COL23A1: variants seen among roughly 807,000 people sequenced by gnomAD.
COL23A1 encodes collagen alpha-1(XXIII) chain.
In COL23A1, 97 loss-of-function variants were observed where a neutral mutation model predicts 99.3. The ratio of observed to expected loss-of-function variants is 0.98; its 90% CI spans 0.83 to 1.16. The LOEUF is 1.16. COL23A1 is among the 50% of genes most tolerant of loss of function. The pLI is 0.00. For synonymous variants in COL23A1, 320 were observed against 308.2 expected (o/e 1.04, Z -0.40); for missense variants, 762 against 757.4 (o/e 1.01, Z -0.07).
At chr5:178,353,827 A>C (rs1322774224) in intron 2 of COL23A1, among the ~76,000 whole-genome samples, 1 of 152,022 alleles carries the variant, frequency 6.6e-6, no homozygotes, top group Admixed American at 6.6e-5. Flanking sequence ...GTGTCATTTA[A>C]CGCAGCCATT....
intron 2 of COL23A1, among the ~76,000 whole-genome samples, chr5:178,521,176 C>T (rs1348156669): frequency 1.3e-5 from 2 of 152,180 alleles, no homozygotes; most frequent in Admixed American, 6.5e-5. Flanking sequence ...TATAATCTTA[C>T]GGGACCACCA....
chr5:178,503,299 G>A (rs914922337), intron 2 of COL23A1, among the ~76,000 whole-genome samples: 2 of 152,034 alleles, frequency 1.3e-5, no homozygotes, highest in South Asian at 2.1e-4. Flanking sequence ...AAAGTGAGCC[G>A]AGATTGCACC....
intron 2 of COL23A1, among the ~76,000 whole-genome samples, chr5:178,534,843 C>A (rs980319053): frequency 6.6e-6 from 1 of 152,146 alleles, no homozygotes; most frequent in Non-Finnish European, 1.5e-5. Context: ...ACAGTACAGG[C>A]CCTGCCCCAC....
rs1187722186 is a variant in COL23A1 at position 178,262,202 on chromosome 5, G to A, written c.675+15C>T. On this transcript the variant is annotated intron_variant, in intron 10 of 28. Coordinates refer to ENST00000390654, the MANE Select transcript of COL23A1 (RefSeq NM_173465.4). ...TCCTAGCAGCCCAGGCCTCTGGAAT[G>A]CCCTGGATACTGACCATCTCGCCGT... The A allele has an allele frequency of 5.1e-6, 8 of 1,578,164 alleles. No individual in the cohort carries two copies. In the Admixed American group the frequency reaches 7.4e-5, roughly 15 times the overall value.
intron 5 of COL23A1, among the ~76,000 whole-genome samples, chr5:178,283,721 C>G (rs961598905): frequency 6.6e-6 from 1 of 152,180 alleles, no homozygotes; most frequent in African/African-American, 2.4e-5. Context: ...ATGAGAAAGT[C>G]TAATGTTTTC....
intron 2 of COL23A1, among the ~76,000 whole-genome samples, chr5:178,489,112 G>A (rs1298584055): frequency 6.6e-6 from 1 of 152,212 alleles, no homozygotes; most frequent in Admixed American, 6.5e-5. Flanking sequence ...GTTTCCAGGG[G>A]AGATGGCATG....
chr5:178,320,858 C>T (rs1759258131), intron 2 of COL23A1, among the ~76,000 whole-genome samples: 1 of 152,172 alleles, frequency 6.6e-6, no homozygotes, highest in South Asian at 2.1e-4. Context: ...GCTGTGGGGG[C>T]CTTCTGTGGG....
chr5:178,509,663 C>T (rs970794570), intron 2 of COL23A1, among the ~76,000 whole-genome samples: 1 of 152,182 alleles, frequency 6.6e-6, no homozygotes, highest in African/African-American at 2.4e-5. Context: ...TGCCAAAACA[C>T]ACTGACCTTC....
At chr5:178,341,660 C>T (rs1364506861) in intron 2 of COL23A1, among the ~76,000 whole-genome samples, 1 of 150,896 alleles carries the variant, frequency 6.6e-6, no homozygotes, top group Non-Finnish European at 1.5e-5. Flanking sequence ...GTGTGGCCTG[C>T]CCACCTGCCC....
At chr5:178,402,806 A>T (rs1764520121) in intron 2 of COL23A1, among the ~76,000 whole-genome samples, 1 of 152,206 alleles carries the variant, frequency 6.6e-6, no homozygotes, top group Non-Finnish European at 1.5e-5. Flanking sequence ...GTATCAAAAT[A>T]TCACGTTTCC....
chr5:178,264,436 C>T (rs1394658893), intron 8 of COL23A1, among the ~76,000 whole-genome samples: 1 of 152,098 alleles, frequency 6.6e-6, no homozygotes, highest in Non-Finnish European at 1.5e-5. Context: ...GGTCAGACCT[C>T]AGGCAGCCGG....
chr5:178,483,189 T>C (rs1757432721), intron 2 of COL23A1, among the ~76,000 whole-genome samples: 1 of 152,198 alleles, frequency 6.6e-6, no homozygotes, highest in African/African-American at 2.4e-5. Context: ...CTTAAGGCAA[T>C]GTTATGCAGA....
intron 2 of COL23A1, among the ~76,000 whole-genome samples, chr5:178,515,328 A>G (rs1337933764): frequency 6.6e-6 from 1 of 152,206 alleles, no homozygotes; most frequent in Non-Finnish European, 1.5e-5. Context: ...TTCCCCAGGA[A>G]GCGGTGAGTG....
At chr5:178,423,187 G>A (rs144204633) in intron 2 of COL23A1, among the ~76,000 whole-genome samples, 166 of 152,092 alleles carry the variant, frequency 1.1e-3, no homozygotes, top group African/African-American at 3.8e-3. Flanking sequence ...GTCTCACTAT[G>A]TTGCCCAGGC....
intron 4 of COL23A1, among the ~76,000 whole-genome samples, chr5:178,289,853 G>C (rs547884860): frequency 6.6e-6 from 1 of 152,190 alleles, no homozygotes; most frequent in Non-Finnish European, 1.5e-5. Flanking sequence ...GTGGAATTCT[G>C]TGCCTGCATT....
chr5:178,263,283 G>A lies in COL23A1; in HGVS notation c.564C>T (p.Pro188=). 6.2e-7 allele frequency: 1 copy of A among 1,609,838 alleles called. No individual in the cohort carries two copies. Among genetic ancestry groups the A allele is most frequent in the Non-Finnish European group, 8.5e-7 (1 of 1,178,804 alleles). ...GQDGAAGPPG[P]PGPPGARGPP... ...GGCCCCGGGCCCCAGGAGGTCCAGG[G>A]GGCCCCGGAGGCCCAGCAGCTCCAT... The change falls in exon 9 of 29, where the codon CCC becomes CCT. Residue 188 remains proline (P), a synonymous_variant. Transcript: ENST00000390654.
chr5:178,356,061 G>A lies in COL23A1; in HGVS notation c.362-49142C>T, dbSNP rs147239076. Among the ~76,000 whole-genome samples the A allele has an allele frequency of 5.3e-5, 8 of 152,348 alleles. No homozygotes were observed. In the East Asian group the frequency reaches 1.2e-3, roughly 22 times the overall value. On this transcript the variant is annotated intron_variant, in intron 2 of 28. Transcript: ENST00000390654. ...GTATAAAACGCAAGGTGCTGAGCAC[G>A]CTGCAGCATGGATGAAGCTTGAAAT... is the stretch of plus-strand genomic sequence containing the variant.
intron 2 of COL23A1, among the ~76,000 whole-genome samples, chr5:178,356,312 C>T (rs1475484570): frequency 1.3e-5 from 2 of 152,166 alleles, no homozygotes; most frequent in African/African-American, 4.8e-5. Flanking sequence ...CACTGAAAAC[C>T]ACGAGTGGTG....
At chr5:178,252,228 T>C (rs957198439) in intron 17 of COL23A1, among the ~76,000 whole-genome samples, 5 of 152,236 alleles carry the variant, frequency 3.3e-5, no homozygotes, top group African/African-American at 1.2e-4. Flanking sequence ...TTTTCTTTTC[T>C]GTATTAATTC....
Sources: gnomAD v4.1 joint callset for allele counts (sites outside exome capture counted in the v4.1 genomes callset) on GRCh38, gnomAD v4.1.1 for gene constraint, MANE v1.5 for transcripts, NCBI Gene and HGNC (gene_info 2026-07-23, HGNC 2026-07-21) for gene names.